RGS6: variants seen among roughly 807,000 people sequenced by gnomAD.
RGS6 encodes the protein regulator of G-protein signaling 6.
Under a neutral mutation model 78.5 loss-of-function variants are expected in RGS6, and 30 were observed. That is an observed-to-expected ratio of 0.38 (90% CI 0.29 to 0.52). The LOEUF (loss-of-function observed/expected upper bound fraction) is 0.52, where lower values mean the gene tolerates loss of function less well. Among genes scored for constraint, RGS6 ranks in the 20% least tolerant of loss-of-function variants. The pLI, the probability that RGS6 is intolerant of heterozygous loss-of-function variation, is 0.85. For missense variants in RGS6, 495 were observed against 609.7 expected (o/e 0.81, Z 1.98); for synonymous variants, 206 against 206.0 (o/e 1.00, Z 0.00).
At chr14:72,169,453 A>G (rs1567367195) in intron 2 of RGS6, among the ~76,000 whole-genome samples, 1 of 152,226 alleles carries the variant, frequency 6.6e-6, no homozygotes, top group Non-Finnish European at 1.5e-5. Flanking sequence ...GGCTTTAAGA[A>G]TTTATGGTGA....
chr14:72,003,855 A>T (rs1032236891), intron 2 of RGS6, among the ~76,000 whole-genome samples: 1 of 152,142 alleles, frequency 6.6e-6, no homozygotes, highest in South Asian at 2.1e-4. Context: ...GTACCATATC[A>T]TTCAGTCATA....
chr14:72,487,570 C>T (rs180713257), intron 12 of RGS6, among the ~76,000 whole-genome samples: 2 of 152,238 alleles, frequency 1.3e-5, no homozygotes, highest in Admixed American at 6.5e-5. Flanking sequence ...AAGAGAGAGG[C>T]AGAAGAGTCG....
chr14:72,099,128 G>T (rs2095474790), intron 2 of RGS6, among the ~76,000 whole-genome samples: 1 of 152,108 alleles, frequency 6.6e-6, no homozygotes, highest in South Asian at 2.1e-4. Context: ...TGAGATGGGT[G>T]CTTTTACTAT....
At chr14:72,216,102 G>A (rs1223987763) in intron 2 of RGS6, among the ~76,000 whole-genome samples, 3 of 152,184 alleles carry the variant, frequency 2.0e-5, no homozygotes, top group Non-Finnish European at 4.4e-5. Flanking sequence ...ACGACAAACA[G>A]TATATGGAAG....
At chr14:72,572,855 A>C in the RGS6 span, among the ~76,000 whole-genome samples, 1 of 152,146 alleles carries the variant, frequency 6.6e-6, no homozygotes, top group Non-Finnish European at 1.5e-5. Flanking sequence ...AACAGAAAAA[A>C]AGAAAGAGAA....
At chr14:71,958,360 TCTTA>T (rs2092947104) in intron 1 of RGS6, among the ~76,000 whole-genome samples, 1 of 152,228 alleles carries the variant, frequency 6.6e-6, no homozygotes, top group Non-Finnish European at 1.5e-5. Context: ...TGCTCTTCAG[TCTTA>T]CTTTTCTCAT....
At chr14:72,213,336 A>G (rs547144914) in intron 2 of RGS6, among the ~76,000 whole-genome samples, 1 of 152,282 alleles carries the variant, frequency 6.6e-6, no homozygotes, top group South Asian at 2.1e-4. Flanking sequence ...CACACTGTAT[A>G]CTAGGCTAAG....
At chr14:72,269,567 A>AT (rs56171281) in intron 2 of RGS6, among the ~76,000 whole-genome samples, 7,475 of 119,626 alleles carry the variant, frequency 0.062, 801 homozygotes, top group African/African-American at 0.13. Flanking sequence ...CCTATCTTAA[A>AT]TTTTTTTTTT....
At chr14:72,322,717 A>T (rs8015476) in intron 2 of RGS6, among the ~76,000 whole-genome samples, 10,949 of 152,172 alleles carry the variant, frequency 0.072, 529 homozygotes, top group East Asian at 0.27. Flanking sequence ...ATTTAGTCTT[A>T]AAAAAGTAAG....
intron 3 of RGS6, among the ~76,000 whole-genome samples, chr14:72,367,948 T>A (rs1165000229): frequency 6.6e-6 from 1 of 152,232 alleles, no homozygotes; most frequent in East Asian, 1.9e-4. Flanking sequence ...TAAAGGCCTG[T>A]CTGAAGTTAA....
At chr14:72,441,750 C>T (rs1036634862) in intron 3 of RGS6, among the ~76,000 whole-genome samples, 23 of 152,238 alleles carry the variant, frequency 1.5e-4, no homozygotes, top group South Asian at 2.1e-4. Context: ...TTTTTTGCCG[C>T]GCCCAAAGCA....
intron 2 of RGS6, among the ~76,000 whole-genome samples, chr14:72,223,057 T>A (rs1294647583): frequency 3.3e-5 from 5 of 152,268 alleles, no homozygotes; most frequent in Non-Finnish European, 7.3e-5. Context: ...TTTAACTGCA[T>A]GCTAATTAAA....
chr14:72,567,461 T>G (rs927463839), downstream of RGS6, among the ~76,000 whole-genome samples: 2 of 152,204 alleles, frequency 1.3e-5, no homozygotes, highest in African/African-American at 4.8e-5. Flanking sequence ...CACTCTACCC[T>G]GACCGCCACG....
chr14:72,448,500 A>G (rs754376400), intron 3 of RGS6, among the ~76,000 whole-genome samples: 16 of 139,126 alleles, frequency 1.2e-4, no homozygotes, highest in Non-Finnish European at 2.5e-4. Context: ...TTTTTCAATT[A>G]AGGCATAAAA....
chr14:72,374,852 TAA>T (rs1019899491), intron 3 of RGS6, among the ~76,000 whole-genome samples: 7 of 152,104 alleles, frequency 4.6e-5, no homozygotes, highest in Non-Finnish European at 1.0e-4. Context: ...TTTAAAGAAA[TAA>T]GAGAGTACTG....
At chr14:72,592,606 G>A in the RGS6 span, among the ~76,000 whole-genome samples, 87 of 152,360 alleles carry the variant, frequency 5.7e-4, 1 homozygote, top group African/African-American at 2.0e-3. Flanking sequence ...GGCTTTTCAA[G>A]ATTAAGGGAG....
At chr14:72,550,796 ATAGC>A in intron 17 of RGS6, 1 of 597,782 alleles carries the variant, frequency 1.7e-6, no homozygotes. Context: ...ATCTTTAATC[ATAGC>A]TTGCTTGCTT....
the RGS6 span, among the ~76,000 whole-genome samples, chr14:72,583,585 G>C: frequency 6.6e-6 from 1 of 152,212 alleles, no homozygotes; most frequent in Admixed American, 6.5e-5. Context: ...GTGTTTGCTG[G>C]TTCCATGAAG....
intron 1 of RGS6, among the ~76,000 whole-genome samples, chr14:71,954,002 A>G (rs1210578585): frequency 1.1e-5 from 1 of 87,206 alleles, no homozygotes; most frequent in African/African-American, 4.3e-5. Flanking sequence ...TCAACATTTT[A>G]AGTATTTCAC....
Sources: gnomAD v4.1 joint callset for allele counts (sites outside exome capture counted in the v4.1 genomes callset) on GRCh38, gnomAD v4.1.1 for gene constraint, MANE v1.5 for transcripts, NCBI Gene and HGNC (gene_info 2026-07-23, HGNC 2026-07-21) for gene names.